Variants in TMEM40 observed in about 807,000 individuals in gnomAD.
TMEM40 encodes transmembrane protein 40.
In TMEM40, 34 loss-of-function variants were observed where a neutral mutation model predicts 40.8. The ratio of observed to expected loss-of-function variants is 0.83; its 90% CI spans 0.63 to 1.11. The LOEUF (loss-of-function observed/expected upper bound fraction) is 1.11, where lower values mean the gene tolerates loss of function less well. Ranked by LOEUF, TMEM40 falls within the 50% of genes least tolerant of loss-of-function variation. The probability of loss-of-function intolerance (pLI) is 0.00; values close to 1 mark genes in which losing one functional copy is unlikely to be tolerated. For missense variants in TMEM40, 296 were observed against 280.2 expected, an observed-to-expected ratio of 1.06 and a Z score of -0.40; for synonymous variants, 106 against 107.0, an observed-to-expected ratio of 0.99 and a Z score of 0.06.
rs373135203 is a variant in TMEM40, at chr3:12,742,544, A to G, written c.302-37T>C. ...CAAACCCCTTAGTCAGCACTCCCCA[A>G]ACACAGTGATCCAGGCCACTTCCCT... On this transcript the variant is annotated intron_variant, in intron 4 of 11. Coordinates refer to ENST00000314124, the MANE Select transcript of TMEM40 (RefSeq NM_018306.4). 7 of 1,609,294 alleles carry G rather than the reference A, an allele frequency of 4.3e-6. No individual in the cohort carries two copies. The African/African-American group carries it at 9.4e-5, about 22-fold the overall frequency.
chr3:12,764,036 C>G (rs2061584071), upstream of TMEM40, among the ~76,000 whole-genome samples: 1 of 152,180 alleles, frequency 6.6e-6, no homozygotes, highest in Admixed American at 6.5e-5. Context: ...CTGCCTCAGC[C>G]TCCCAAGTAG....
exon 1 of TMEM40, chr3:12,769,331 GCTC>G: frequency 3.2e-6 from 1 of 313,204 alleles, no homozygotes; most frequent in South Asian, 2.1e-5. Context: ...GGGCTGAAGG[GCTC>G]CTCAAGTGCG....
At chr3:12,747,910 CAAAAAAAAAAA>C (rs747586371) in intron 3 of TMEM40, among the ~76,000 whole-genome samples, 5 of 27,568 alleles carry the variant, frequency 1.8e-4, no homozygotes, top group South Asian at 1.3e-3. Flanking sequence ...GATTCTGTCT[CAAAAAAAAAAA>C]AAAAAAAAAA....
At chr3:12,747,264 C>T (rs564155347) in intron 3 of TMEM40, among the ~76,000 whole-genome samples, 10 of 151,562 alleles carry the variant, frequency 6.6e-5, no homozygotes, top group African/African-American at 2.4e-4. Flanking sequence ...TAAAAGAGAT[C>T]ATAGTGCAGG....
chr3:12,754,284 C>T (rs2061502014), intron 1 of TMEM40, among the ~76,000 whole-genome samples: 1 of 152,098 alleles, frequency 6.6e-6, no homozygotes, highest in Non-Finnish European at 1.5e-5. Flanking sequence ...TGCACTCCAG[C>T]CTGGGCGACA....
upstream of TMEM40, among the ~76,000 whole-genome samples, chr3:12,763,757 G>A (rs996677618): frequency 2.0e-5 from 3 of 152,086 alleles, no homozygotes; most frequent in African/African-American, 7.2e-5. Flanking sequence ...GCTATACCTT[G>A]GTGTTCTTGT....
At chr3:12,743,175 A>G (rs998666714) in intron 4 of TMEM40, among the ~76,000 whole-genome samples, 1 of 152,232 alleles carries the variant, frequency 6.6e-6, no homozygotes, top group African/African-American at 2.4e-5. Flanking sequence ...TTGTAAAAGT[A>G]AAACATGCTC....
rs367742480 is a variant in TMEM40, at chr3:12,744,001, A to G, written c.212-12T>C. On this transcript the variant is annotated splice_polypyrimidine_tract_variant and intron_variant, in intron 3 of 11. Coordinates refer to ENST00000314124, the MANE Select transcript of TMEM40 (RefSeq NM_018306.4). ...CTCATCATTGCTCTCTGCGGGTAACAAACACAAGCTGTAGGAGAAGCTCAG... is the reference window on the plus strand; with the variant it reads ...CTCATCATTGCTCTCTGCGGGTAACGAACACAAGCTGTAGGAGAAGCTCAG... The G allele has an allele frequency of 3.7e-6, 6 of 1,609,148 alleles. No homozygotes were observed. In the African/African-American group the frequency reaches 8.0e-5, roughly 21 times the overall value.
At chr3:12,751,886 T>C (rs950057446) in intron 1 of TMEM40, among the ~76,000 whole-genome samples, 1 of 152,168 alleles carries the variant, frequency 6.6e-6, no homozygotes, top group Non-Finnish European at 1.5e-5. Flanking sequence ...ATGAGCTCTT[T>C]TTCCAGTCTC....
chr3:12,744,769 G>A (rs2061413909), intron 3 of TMEM40, among the ~76,000 whole-genome samples: 1 of 152,180 alleles, frequency 6.6e-6, no homozygotes, highest in Non-Finnish European at 1.5e-5. Flanking sequence ...ACAGGACCGT[G>A]GGGACCTCCC....
chr3:12,736,905 G>T (rs1447878553), intron 8 of TMEM40, 70 bp from the exon 9 acceptor site: 9 of 1,585,286 alleles, frequency 5.7e-6, no homozygotes, highest in Non-Finnish European at 7.8e-6. Context: ...AGGAGACAAG[G>T]TCTTGCTCTG....
In TMEM40 at chr3:12,739,577, C is replaced by T. The variant is rs149195990; in HGVS notation, c.356-989G>A. On this transcript the variant is annotated intron_variant, in intron 5 of 11. Coordinates refer to ENST00000314124, the MANE Select transcript of TMEM40 (RefSeq NM_018306.4). Reference sequence around the variant, plus strand: ...GGGATTACAGGCATGAGCCACCATGCCTGGCTGCCAGTGATTTTTTTTTAA... The same window carrying T: ...GGGATTACAGGCATGAGCCACCATGTCTGGCTGCCAGTGATTTTTTTTTAA... Among the ~76,000 whole-genome samples, 892 of 151,308 alleles carry T rather than the reference C, an allele frequency of 5.9e-3. 8 individuals carry two copies. Among genetic ancestry groups the T allele is most frequent in the African/African-American group, 0.02 (831 of 41,068 alleles).
At chr3:12,760,934 A>G (rs565076953), upstream of TMEM40, among the ~76,000 whole-genome samples, 1 of 152,068 alleles carries the variant, frequency 6.6e-6, no homozygotes, top group Non-Finnish European at 1.5e-5. Flanking sequence ...TAGAGACAAG[A>G]TCTTGCTATG....
chr3:12,754,807 TCTC>T (rs2061506545), intron 1 of TMEM40, among the ~76,000 whole-genome samples: 1 of 151,948 alleles, frequency 6.6e-6, no homozygotes, highest in Non-Finnish European at 1.5e-5. Flanking sequence ...TGACCCCAAG[TCTC>T]TGCAGAACTA....
At chr3:12,736,397 A>G (rs1256128704) in intron 10 of TMEM40, among the ~76,000 whole-genome samples, 181 bp downstream of exon 10, 2 of 152,018 alleles carry the variant, frequency 1.3e-5, no homozygotes, top group African/African-American at 4.8e-5. Context: ...TGATCCACAC[A>G]CCTCAGCCTC....
chr3:12,764,375 G>A (rs547497753), intron 1 of TMEM40, among the ~76,000 whole-genome samples: 3 of 152,098 alleles, frequency 2.0e-5, no homozygotes, highest in Non-Finnish European at 2.9e-5. Context: ...TCAAGGTCAC[G>A]TGGCTGGGAA....
intron 8 of TMEM40, 129 bp downstream of exon 8, chr3:12,737,578 A>G: frequency 1.2e-6 from 1 of 811,804 alleles, no homozygotes; most frequent in Admixed American, 2.1e-5. Context: ...GAGCTGAGTA[A>G]TGTGTAAACT....
chr3:12,738,079 C>T (rs2061350787), intron 7 of TMEM40, 57 bp downstream of exon 7: 2 of 1,606,656 alleles, frequency 1.2e-6, no homozygotes, highest in Non-Finnish European at 8.5e-7. Flanking sequence ...GAGGACCCAA[C>T]CCATCGTCTG....
At chr3:12,735,093 C>T (rs2061328045) in intron 11 of TMEM40, among the ~76,000 whole-genome samples, 1 of 152,204 alleles carries the variant, frequency 6.6e-6, no homozygotes, top group Non-Finnish European at 1.5e-5. Flanking sequence ...CCCAGCCCAG[C>T]CACTAAAGCT....
Sources: gnomAD v4.1 joint callset for allele counts (sites outside exome capture counted in the v4.1 genomes callset) on GRCh38, gnomAD v4.1.1 for gene constraint, MANE v1.5 for transcripts, NCBI Gene and HGNC (gene_info 2026-07-23, HGNC 2026-07-21) for gene names.